Variants in PKHD1 observed in about 807,000 individuals in gnomAD.
PKHD1 encodes PKHD1 ciliary IPT domain containing fibrocystin/polyductin, also known as fibrocystin.
In PKHD1, 291 loss-of-function variants were observed where a neutral mutation model predicts 412.0. The ratio of observed to expected loss-of-function variants is 0.71; its 90% CI spans 0.64 to 0.78. PKHD1 has a LOEUF of 0.78. Among genes scored for constraint, PKHD1 ranks in the 30% least tolerant of loss-of-function variants. PKHD1 has a pLI of 0.00. For missense variants in PKHD1, 4,825 were observed against 4,950.7 expected, an observed-to-expected ratio of 0.97 and a Z score of 0.76; for synonymous variants, 1,777 against 1,821.5, an observed-to-expected ratio of 0.98 and a Z score of 0.62.
At position 51,753,822 on chromosome 6, in the gene PKHD1, G is replaced by A. The variant is rs149247678; in HGVS notation, c.8798-469C>T. 3.2e-3 allele frequency among the ~76,000 whole-genome samples: 489 copies of A among 152,314 alleles called. 3 individuals are homozygous for A. Among genetic ancestry groups the A allele is most frequent in the African/African-American group, 0.011 (475 of 41,580 alleles). On this transcript the variant is annotated intron_variant, in intron 56 of 66. Transcript: ENST00000371117. ...AAAGGAAAGCGAGAAGCAGCACCAG[G>A]CAGCAGCAGCGCCCTCTCATGGTGG...
intron 63 of PKHD1, among the ~76,000 whole-genome samples, chr6:51,647,697 ACT>A (rs1770291079): frequency 6.6e-6 from 1 of 152,172 alleles, no homozygotes; most frequent in Non-Finnish European, 1.5e-5. Flanking sequence ...TCGTGGGGGC[ACT>A]GAGTGGACTG....
chr6:51,685,160 A>G (rs1777245919), intron 60 of PKHD1, among the ~76,000 whole-genome samples: 1 of 152,082 alleles, frequency 6.6e-6, no homozygotes, highest in African/African-American at 2.4e-5. Flanking sequence ...CCCATTACAC[A>G]TCTGGCCAAT....
chr6:51,766,539 A>G (rs1789044018), intron 55 of PKHD1, among the ~76,000 whole-genome samples: 1 of 151,834 alleles, frequency 6.6e-6, no homozygotes. Flanking sequence ...TTTTTTCTAT[A>G]TGTTTATTAG....
rs910978965 is a variant in PKHD1 at position 52,083,353 on chromosome 6, C to T, written c.53-98G>A. 7 of 824,358 alleles carry T rather than the reference C, an allele frequency of 8.5e-6. No homozygotes were observed. The Admixed American group carries it at 9.3e-5, about 11-fold the overall frequency. 51.1% of individuals were successfully genotyped at this position (824,358 alleles called of 1,614,324 possible). On this transcript the variant is annotated intron_variant, in intron 2 of 66. Coordinates refer to ENST00000371117, the MANE Select transcript of PKHD1 (RefSeq NM_138694.4). Reference sequence around the variant, plus strand: ...CAATATTTAACCTGCCTCAGAATCACCAGAAAGGCTTGATTAAGCACAGGT... The same window carrying T: ...CAATATTTAACCTGCCTCAGAATCATCAGAAAGGCTTGATTAAGCACAGGT...
At chr6:51,887,394 T>C (rs897769366) in intron 43 of PKHD1, 149 bp from the exon 44 acceptor site, 1 of 679,170 alleles carries the variant, frequency 1.5e-6, no homozygotes, top group Non-Finnish European at 2.6e-6. Flanking sequence ...TTTATTCTTT[T>C]TTTTTCCTTT....
Position 51,632,274 on chromosome 6 carries a change from T to C in PKHD1, c.11665+291A>G, listed in dbSNP as rs913354992. ...GTTACAATATTTTTCACCCACCTCA[T>C]TGGGTTGTTGTGTGGATTAAATAAA... On this transcript the variant is annotated intron_variant, in intron 65 of 66. Transcript: ENST00000371117. Among the ~76,000 whole-genome samples, 2 of 152,154 alleles carry C rather than the reference T, an allele frequency of 1.3e-5. 1 individual carries two copies. Among genetic ancestry groups the C allele is most frequent in the South Asian group, 4.2e-4 (2 of 4,818 alleles).
chr6:51,820,851 A>C (rs990051215), intron 52 of PKHD1, among the ~76,000 whole-genome samples: 4 of 152,194 alleles, frequency 2.6e-5, no homozygotes, highest in African/African-American at 9.6e-5. Flanking sequence ...AGGGAGTATA[A>C]TCAACTCAAG....
chr6:51,909,860 T>C (rs961470768), intron 39 of PKHD1, among the ~76,000 whole-genome samples: 1 of 152,152 alleles, frequency 6.6e-6, no homozygotes, highest in African/African-American at 2.4e-5. Context: ...ATGTTAGCAC[T>C]GAATATAATA....
At chr6:51,662,933 A>G (rs1313353028) in intron 60 of PKHD1, among the ~76,000 whole-genome samples, 2 of 152,080 alleles carry the variant, frequency 1.3e-5, no homozygotes, top group Non-Finnish European at 2.9e-5. Flanking sequence ...TAAAAATTTA[A>G]TTATCAAATT....
At chr6:51,762,296 T>C (rs901004287) in intron 55 of PKHD1, among the ~76,000 whole-genome samples, 2 of 152,022 alleles carry the variant, frequency 1.3e-5, no homozygotes, top group Admixed American at 6.6e-5. Flanking sequence ...GTTGACAAAG[T>C]AACCATTTAA....
At chr6:51,974,701 G>T (rs992596234) in intron 35 of PKHD1, among the ~76,000 whole-genome samples, 3 of 152,138 alleles carry the variant, frequency 2.0e-5, no homozygotes, top group Admixed American at 6.6e-5. Flanking sequence ...TGAGGACTTG[G>T]GGAAAAGGGT....
At chr6:52,055,303 C>T (rs1399788957) in intron 19 of PKHD1, among the ~76,000 whole-genome samples, 1 of 152,220 alleles carries the variant, frequency 6.6e-6, no homozygotes, top group East Asian at 1.9e-4. Context: ...TCCAATGACA[C>T]AGTCTGTACT....
intron 35 of PKHD1, among the ~76,000 whole-genome samples, chr6:51,997,459 G>GA (rs1166483414): frequency 2.6e-5 from 4 of 152,032 alleles, no homozygotes; most frequent in Non-Finnish European, 5.9e-5. Flanking sequence ...AATTTAAAGA[G>GA]AAAAAATGAA....
At chr6:51,763,671 G>C (rs1485866305) in intron 55 of PKHD1, among the ~76,000 whole-genome samples, 1 of 152,024 alleles carries the variant, frequency 6.6e-6, no homozygotes, top group Non-Finnish European at 1.5e-5. Flanking sequence ...ACACAAACCA[G>C]AAACCAAGAA....
At chr6:51,918,060 A>G (rs938073714) in intron 37 of PKHD1, among the ~76,000 whole-genome samples, 3 of 152,082 alleles carry the variant, frequency 2.0e-5, no homozygotes, top group African/African-American at 2.4e-5. Flanking sequence ...GTGTTACTCT[A>G]TGAACTAGAT....
chr6:51,619,601 G>T, intron 66 of PKHD1, 81 bp from the exon 67 acceptor site: 1 of 1,127,398 alleles, frequency 8.9e-7, no homozygotes, highest in Non-Finnish European at 1.3e-6. Context: ...TAGCATTTCT[G>T]ACAAGATATT....
intron 35 of PKHD1, among the ~76,000 whole-genome samples, chr6:52,000,455 T>C (rs1392226475): frequency 1.3e-5 from 2 of 152,186 alleles, no homozygotes; most frequent in South Asian, 4.1e-4. Flanking sequence ...AAAAATCCCA[T>C]GACATATGGT....
chr6:52,041,051 C>T (rs1804790535), intron 27 of PKHD1, among the ~76,000 whole-genome samples: 7 of 152,072 alleles, frequency 4.6e-5, no homozygotes, highest in Admixed American at 3.9e-4. Flanking sequence ...CACAAGAGTC[C>T]GTACCTTAAA....
At chr6:52,020,955 T>C (rs1026660661) in intron 33 of PKHD1, among the ~76,000 whole-genome samples, 1 of 152,066 alleles carries the variant, frequency 6.6e-6, no homozygotes, top group African/African-American at 2.4e-5. Flanking sequence ...AAATGCTTCA[T>C]CCAGTTTCAG....
Sources: allele counts gnomAD v4.1 joint callset (sites outside exome capture counted in the v4.1 genomes callset), GRCh38; gene constraint gnomAD v4.1.1; transcripts MANE v1.5; gene names NCBI Gene and HGNC (gene_info 2026-07-23, HGNC 2026-07-21).